Variants in NELL2 observed in about 807,000 individuals in gnomAD.
NELL2 encodes the protein protein kinase C-binding protein NELL2.
A neutral mutation model predicts 109.6 loss-of-function variants in NELL2; 41 were observed. The ratio of observed to expected loss-of-function variants is 0.37; its 90% CI spans 0.29 to 0.49. The LOEUF is 0.49. Ranked by LOEUF, NELL2 falls within the 20% of genes least tolerant of loss-of-function variation. The pLI is 0.98. For synonymous variants in NELL2, 355 were observed against 344.7 expected, an observed-to-expected ratio of 1.03 and a Z score of -0.33; for missense variants, 900 against 1,008.3, an observed-to-expected ratio of 0.89 and a Z score of 1.45.
At chr12:44,757,622 A>C (rs1243135569) in intron 9 of NELL2, among the ~76,000 whole-genome samples, 1 of 152,202 alleles carries the variant, frequency 6.6e-6, no homozygotes, top group Non-Finnish European at 1.5e-5. Flanking sequence ...TGCTGAAAAA[A>C]ACAGGCACTT....
chr12:44,535,573 A>C (rs1942259990), intron 15 of NELL2, among the ~76,000 whole-genome samples: 1 of 152,006 alleles, frequency 6.6e-6, no homozygotes, highest in Admixed American at 6.6e-5. Flanking sequence ...AATCATATAG[A>C]ACAGTATTTC....
intron 15 of NELL2, among the ~76,000 whole-genome samples, chr12:44,593,661 G>A (rs1249433815): frequency 6.6e-6 from 1 of 152,174 alleles, no homozygotes; most frequent in African/African-American, 2.4e-5. Flanking sequence ...CTAGATCCTT[G>A]AGGAATGGCC....
intron 2 of NELL2, among the ~76,000 whole-genome samples, chr12:44,865,895 G>T (rs868595343): frequency 4.6e-5 from 7 of 151,756 alleles, no homozygotes; most frequent in Middle Eastern, 3.4e-3. Flanking sequence ...AACCACAATG[G>T]TATTGCTATG....
At chr12:44,869,742 G>C (rs190720449) in intron 2 of NELL2, among the ~76,000 whole-genome samples, 8 of 152,212 alleles carry the variant, frequency 5.3e-5, no homozygotes, top group South Asian at 2.1e-4. Context: ...TGATATTTCT[G>C]AGGCACTAGC....
intron 9 of NELL2, among the ~76,000 whole-genome samples, chr12:44,773,230 C>T (rs1467662003): frequency 6.6e-6 from 1 of 152,180 alleles, no homozygotes; most frequent in Non-Finnish European, 1.5e-5. Flanking sequence ...AATCCCAGCA[C>T]TTTGGGAGGC....
chr12:44,881,142 T>C (rs143431597), upstream of NELL2, among the ~76,000 whole-genome samples: 2 of 152,196 alleles, frequency 1.3e-5, no homozygotes, highest in African/African-American at 4.8e-5. Context: ...CTTAAATTTC[T>C]AAAAATCCAA....
At chr12:44,668,392 C>A (rs374864748) in intron 12 of NELL2, among the ~76,000 whole-genome samples, 1 of 152,114 alleles carries the variant, frequency 6.6e-6, no homozygotes. Flanking sequence ...TGGCCATGTG[C>A]CCTCCTGGGG....
chr12:44,521,665 T>C (rs1592062445), intron 18 of NELL2, among the ~76,000 whole-genome samples: 1 of 152,156 alleles, frequency 6.6e-6, no homozygotes, highest in Non-Finnish European at 1.5e-5. Context: ...AATGCCATTG[T>C]TCTATCAATA....
rs1486679607 is a variant in NELL2, at chr12:44,617,413, C to T, written c.1445-6443G>A. On this transcript the variant is annotated intron_variant, in intron 13 of 19. Transcript: ENST00000429094. Reference sequence around the variant, plus strand: ...CTATGAAAAAGCAGTTGTGGCCGGGCGCGGTGGCTCACGCCTGTAATCCCA... The same window carrying T: ...CTATGAAAAAGCAGTTGTGGCCGGGTGCGGTGGCTCACGCCTGTAATCCCA... Among the ~76,000 whole-genome samples, 4 of 105,834 alleles carry T rather than the reference C, an allele frequency of 3.8e-5. 1 individual carries two copies. The highest frequency in any genetic ancestry group is 4.1e-4 in the East Asian group (2 of 4,876). 69.4% of individuals were successfully genotyped at this position (105,834 alleles called of 152,430 possible).
chr12:44,549,577 T>C (rs972639800), intron 15 of NELL2, among the ~76,000 whole-genome samples: 1 of 152,174 alleles, frequency 6.6e-6, no homozygotes, highest in African/African-American at 2.4e-5. Flanking sequence ...AGTTGCAGGA[T>C]ACAAAATCAG....
At chr12:44,854,272 A>T (rs779358233) in intron 2 of NELL2, among the ~76,000 whole-genome samples, 4 of 152,200 alleles carry the variant, frequency 2.6e-5, no homozygotes, top group African/African-American at 7.2e-5. Context: ...CAGTGTATGG[A>T]AGAAATAAAG....
chr12:44,772,404 T>C (rs1459249325), intron 9 of NELL2, among the ~76,000 whole-genome samples: 4 of 152,236 alleles, frequency 2.6e-5, no homozygotes, highest in Non-Finnish European at 4.4e-5. Context: ...CTATTACATT[T>C]ATTTTAAGTG....
intron 2 of NELL2, among the ~76,000 whole-genome samples, chr12:44,838,333 A>T (rs1379808022): frequency 6.6e-6 from 1 of 152,216 alleles, no homozygotes; most frequent in African/African-American, 2.4e-5. Flanking sequence ...TGTCAATATG[A>T]ATTACTTAGG....
upstream of NELL2, among the ~76,000 whole-genome samples, chr12:44,916,071 T>C (rs1945826477): frequency 6.6e-6 from 1 of 152,250 alleles, no homozygotes; most frequent in African/African-American, 2.4e-5. Flanking sequence ...CTGCATTATA[T>C]ATTTCAAGGA....
intron 12 of NELL2, among the ~76,000 whole-genome samples, chr12:44,683,059 T>C (rs977614070): frequency 1.3e-5 from 2 of 152,234 alleles, no homozygotes; most frequent in African/African-American, 4.8e-5. Flanking sequence ...GAGGATGGAA[T>C]GTTCCTCCAT....
At chr12:44,730,659 T>C (rs937593260) in intron 9 of NELL2, among the ~76,000 whole-genome samples, 1 of 151,892 alleles carries the variant, frequency 6.6e-6, no homozygotes, top group African/African-American at 2.4e-5. Context: ...TTTATAGGGG[T>C]AAATGCCCAC....
At position 44,796,398 on chromosome 12, in the gene NELL2, C is replaced by T. The variant is rs548731223; in HGVS notation, c.336-16376G>A. Reference sequence around the variant, plus strand: ...CATGATTATCTAGTTTGAATATATCCAGTGACCAACAATCAGAACTTCCTG... The same window carrying T: ...CATGATTATCTAGTTTGAATATATCTAGTGACCAACAATCAGAACTTCCTG... On this transcript the variant is annotated intron_variant, in intron 3 of 19. Transcript: ENST00000429094. Among the ~76,000 whole-genome samples, 148 of 152,096 alleles carry T rather than the reference C, an allele frequency of 9.7e-4. 1 individual carries two copies. The highest frequency in any genetic ancestry group is 3.0e-3 in the African/African-American group (123 of 41,508).
intron 15 of NELL2, among the ~76,000 whole-genome samples, chr12:44,594,839 G>A (rs938245719): frequency 1.3e-5 from 2 of 152,010 alleles, no homozygotes; most frequent in African/African-American, 4.8e-5. Context: ...ATACCTTACA[G>A]TTAGTGTAAG....
chr12:44,527,199 C>T (rs1046406716), intron 16 of NELL2, among the ~76,000 whole-genome samples: 1 of 152,174 alleles, frequency 6.6e-6, no homozygotes, highest in Admixed American at 6.5e-5. Context: ...ATTTAAAATA[C>T]TATCATGTAA....
Sources: gnomAD v4.1 joint callset for allele counts (sites outside exome capture counted in the v4.1 genomes callset) on GRCh38, gnomAD v4.1.1 for gene constraint, MANE v1.5 for transcripts, NCBI Gene and HGNC (gene_info 2026-07-23, HGNC 2026-07-21) for gene names.